Variants in LRP1B observed in about 807,000 individuals in gnomAD.
LRP1B encodes the protein LDL receptor related protein 1B.
In LRP1B, 217 loss-of-function variants were observed where a neutral mutation model predicts 556.6. The observed-to-expected ratio is 0.39, with a 90% CI of 0.35 to 0.44. The LOEUF is 0.44. Among genes scored for constraint, LRP1B ranks in the 20% least tolerant of loss-of-function variants. LRP1B has a pLI of 1.00. For synonymous variants in LRP1B, 2,047 were observed against 1,865.8 expected, an observed-to-expected ratio of 1.10 and a Z score of -2.50; for missense variants, 5,053 against 5,620.8, an observed-to-expected ratio of 0.90 and a Z score of 3.23.
At chr2:140,312,774 G>A (rs1471476932) in intron 83 of LRP1B, among the ~76,000 whole-genome samples, 1 of 151,556 alleles carries the variant, frequency 6.6e-6, no homozygotes, top group Non-Finnish European at 1.5e-5. Context: ...TTAATTTTTA[G>A]TGTTCATTAT....
chr2:140,989,421 A>G, intron 17 of LRP1B, 111 bp downstream of exon 17: 2 of 1,129,472 alleles, frequency 1.8e-6, no homozygotes, highest in Non-Finnish European at 2.6e-6. Flanking sequence ...CTACTGCAAT[A>G]ATCAGATCAT....
At position 140,627,624 on chromosome 2, in the gene LRP1B, T is replaced by G. The variant is rs758626084; in HGVS notation, c.6800-25985A>C. Among the ~76,000 whole-genome samples, 6 of 152,212 alleles carry G rather than the reference T, an allele frequency of 3.9e-5. No homozygotes were observed. In the South Asian group the frequency reaches 6.2e-4, roughly 16 times the overall value. Reference sequence around the variant, plus strand: ...GACAGCCTATTGTGGGATTTCACCTTGTGATTGTGTGAGTCAATACTCCTT... The same window carrying G: ...GACAGCCTATTGTGGGATTTCACCTGGTGATTGTGTGAGTCAATACTCCTT... On this transcript the variant is annotated intron_variant, in intron 41 of 90. Coordinates refer to ENST00000389484, the MANE Select transcript of LRP1B (RefSeq NM_018557.3).
chr2:141,946,453 G>A (rs577386289), intron 1 of LRP1B, among the ~76,000 whole-genome samples: 3 of 152,268 alleles, frequency 2.0e-5, no homozygotes, highest in East Asian at 1.9e-4. Flanking sequence ...ATGAGATTAG[G>A]TGAAGGATGG....
intron 2 of LRP1B, among the ~76,000 whole-genome samples, chr2:141,636,224 T>A (rs1225821442): frequency 6.6e-6 from 1 of 152,066 alleles, no homozygotes; most frequent in African/African-American, 2.4e-5. Context: ...GAGTCACCAA[T>A]AAATTAGTGG....
intron 3 of LRP1B, among the ~76,000 whole-genome samples, chr2:141,285,005 A>G (rs1414807806): frequency 2.0e-5 from 3 of 152,116 alleles, no homozygotes; most frequent in Non-Finnish European, 4.4e-5. Flanking sequence ...TACATTTAAC[A>G]TTGTATTCAG....
At chr2:141,939,738 G>T (rs1700741115) in intron 1 of LRP1B, among the ~76,000 whole-genome samples, 1 of 152,000 alleles carries the variant, frequency 6.6e-6, no homozygotes, top group Non-Finnish European at 1.5e-5. Flanking sequence ...TTGCTCGACT[G>T]TTTCATCGAT....
intron 43 of LRP1B, among the ~76,000 whole-genome samples, chr2:140,578,481 TC>T (rs1164036578): frequency 1.3e-5 from 2 of 152,340 alleles, no homozygotes; most frequent in East Asian, 3.9e-4. Flanking sequence ...CACCCTGGCC[TC>T]CTTCTACTCA....
chr2:140,982,673 T>G (rs78974111), intron 17 of LRP1B, among the ~76,000 whole-genome samples: 3,464 of 152,254 alleles, frequency 0.023, 66 homozygotes, highest in Non-Finnish European at 0.031. Context: ...AAGAAAACTT[T>G]TTTTGTAGTA....
chr2:140,512,150 G>T (rs1689692681), intron 51 of LRP1B, among the ~76,000 whole-genome samples: 1 of 152,086 alleles, frequency 6.6e-6, no homozygotes, highest in Non-Finnish European at 1.5e-5. Flanking sequence ...ATCTAATTCT[G>T]TATGACCTTG....
intron 43 of LRP1B, among the ~76,000 whole-genome samples, chr2:140,559,575 G>T (rs1360479206): frequency 6.6e-6 from 1 of 151,956 alleles, no homozygotes; most frequent in Non-Finnish European, 1.5e-5. Flanking sequence ...TATCTTGTGG[G>T]GCCAGAAATA....
intron 72 of LRP1B, among the ~76,000 whole-genome samples, chr2:140,363,829 G>T (rs1281483217): frequency 6.6e-6 from 1 of 151,554 alleles, no homozygotes; most frequent in Non-Finnish European, 1.5e-5. Context: ...AGAACAAAAA[G>T]TGTAAGTACG....
intron 89 of LRP1B, among the ~76,000 whole-genome samples, chr2:140,236,633 A>G (rs986711141): frequency 6.6e-6 from 1 of 150,952 alleles, no homozygotes; most frequent in Non-Finnish European, 1.5e-5. Flanking sequence ...TTGTCAGGCT[A>G]TATGTATCAA....
At chr2:141,740,864 T>C (rs1220048880) in intron 2 of LRP1B, among the ~76,000 whole-genome samples, 1 of 152,026 alleles carries the variant, frequency 6.6e-6, no homozygotes, top group Non-Finnish European at 1.5e-5. Flanking sequence ...GATGTCCATG[T>C]TTTTTTCCTT....
At chr2:142,069,643 G>A (rs951266833) in intron 1 of LRP1B, among the ~76,000 whole-genome samples, 5 of 151,558 alleles carry the variant, frequency 3.3e-5, no homozygotes, top group African/African-American at 9.7e-5. Flanking sequence ...CATTAAATAC[G>A]ACAAAGCATG....
At chr2:141,817,049 T>A (rs528286810) in intron 1 of LRP1B, among the ~76,000 whole-genome samples, 22 of 152,198 alleles carry the variant, frequency 1.4e-4, no homozygotes, top group East Asian at 9.7e-4. Flanking sequence ...TGAAAAAAAA[T>A]TTCAGTATTT....
At chr2:140,970,712 ACCTTTTTTTTTTTTTTTTTT>A (rs1400172807) in intron 18 of LRP1B, among the ~76,000 whole-genome samples, 5,981 of 126,176 alleles carry the variant, frequency 0.047, 877 homozygotes, top group East Asian at 0.15. Context: ...TAATTTTTTA[ACCTTTTTTTTTTTTTTTTTT>A]TTTTTTTTTT....
chr2:140,359,355 C>A (rs375315948), intron 72 of LRP1B, among the ~76,000 whole-genome samples: 9 of 151,754 alleles, frequency 5.9e-5, no homozygotes, highest in African/African-American at 1.9e-4. Context: ...GAAAATAGGT[C>A]ATTCAGTGAA....
intron 41 of LRP1B, among the ~76,000 whole-genome samples, chr2:140,667,772 C>CT (rs879410489): frequency 6.6e-6 from 1 of 152,158 alleles, no homozygotes; most frequent in South Asian, 2.1e-4. Flanking sequence ...AGAATATACG[C>CT]TTTTTTGCTC....
chr2:141,068,935 C>T (rs10190133), intron 7 of LRP1B, among the ~76,000 whole-genome samples: 128,748 of 152,104 alleles, frequency 0.85, 54,855 homozygotes, highest in Non-Finnish European at 0.89. Flanking sequence ...TGAATCAAAA[C>T]GATATTTATG....
Sources: allele counts gnomAD v4.1 joint callset (sites outside exome capture counted in the v4.1 genomes callset), GRCh38; gene constraint gnomAD v4.1.1; transcripts MANE v1.5; gene names NCBI Gene and HGNC (gene_info 2026-07-23, HGNC 2026-07-21).